Variants in ANOS1 observed in about 807,000 individuals in gnomAD.
The protein encoded by ANOS1 is anosmin 1.
Under a neutral mutation model 59.0 loss-of-function variants are expected in ANOS1, and 6 were observed. The ratio of observed to expected loss-of-function variants is 0.10; its 90% CI spans 0.06 to 0.20. The LOEUF (loss-of-function observed/expected upper bound fraction) is 0.20, where lower values mean the gene tolerates loss of function less well. ANOS1 is among the 10% of genes least tolerant of loss of function. The probability of loss-of-function intolerance (pLI) is 1.00; values close to 1 mark genes in which losing one functional copy is unlikely to be tolerated. For synonymous variants in ANOS1, 217 were observed against 223.4 expected (o/e 0.97, Z 0.25); for missense variants, 433 against 542.3 (o/e 0.80, Z 2.00).
At chrX:8,612,333 T>G (rs5978922) in intron 3 of ANOS1, among the ~76,000 whole-genome samples, 41,980 of 110,001 alleles carry the variant, frequency 0.38, 5,811 homozygotes, top group Middle Eastern at 0.44. Context: ...AATGTGGGTT[T>G]TAGCTAAAAT....
intron 2 of ANOS1, among the ~76,000 whole-genome samples, chrX:8,675,854 T>A (rs1602019507): frequency 1.2e-5 from 1 of 82,518 alleles, no homozygotes; most frequent in Non-Finnish European, 2.3e-5. Flanking sequence ...ATGCTCTCCC[T>A]CCCCCCACCC....
At chrX:8,697,438 A>G (rs946748055) in intron 2 of ANOS1, among the ~76,000 whole-genome samples, 2 of 109,322 alleles carry the variant, frequency 1.8e-5, no homozygotes, top group African/African-American at 6.8e-5. Context: ...CCATGAGGAA[A>G]TGTGATTGTT....
At chrX:8,579,519 G>A (rs939599573) in intron 6 of ANOS1, among the ~76,000 whole-genome samples, 1 of 111,999 alleles carries the variant, frequency 8.9e-6, no homozygotes, top group Non-Finnish European at 1.9e-5. Context: ...ATTTTAAACC[G>A]TAATTCAAAA....
At chrX:8,666,774 C>T (rs780731741) in intron 2 of ANOS1, among the ~76,000 whole-genome samples, 5 of 111,680 alleles carry the variant, frequency 4.5e-5, no homozygotes, top group Admixed American at 9.5e-5. Flanking sequence ...TTGACATCGG[C>T]GCTGATAAGT....
intron 2 of ANOS1, among the ~76,000 whole-genome samples, chrX:8,633,238 A>G (rs1931518384): frequency 8.9e-6 from 1 of 111,753 alleles, no homozygotes. Flanking sequence ...CCGAAGGGCA[A>G]TGACTCTCTC....
At chrX:8,659,584 G>GCCTTCCTTCCTTCCTTCCTT (rs201790891) in intron 2 of ANOS1, among the ~76,000 whole-genome samples, 2 of 57,688 alleles carry the variant, frequency 3.5e-5, no homozygotes, top group African/African-American at 2.1e-4. Flanking sequence ...TTGCTTGCTT[G>GCCTTCCTTCCTTCCTTCCTT]CCTTCCTTCC....
chrX:8,699,604 T>C (rs2146898676), intron 2 of ANOS1, 94 bp downstream of exon 2: 1 of 648,299 alleles, frequency 1.5e-6, no homozygotes, highest in African/African-American at 2.2e-5. Context: ...GCATATATGA[T>C]TTCTCTGTGC....
chrX:8,580,400 A>C (rs1482784961), intron 6 of ANOS1, among the ~76,000 whole-genome samples: 3 of 112,090 alleles, frequency 2.7e-5, no homozygotes, highest in Non-Finnish European at 5.6e-5. Flanking sequence ...TCCTATATTT[A>C]TGCATTTTTT....
intron 2 of ANOS1, among the ~76,000 whole-genome samples, chrX:8,629,172 C>G (rs374216223): frequency 6.3e-5 from 7 of 111,038 alleles, no homozygotes; most frequent in African/African-American, 2.3e-4. Context: ...TCACTTAAGC[C>G]CGGAAGTTTG....
At chrX:8,673,591 T>A (rs1932290895) in intron 2 of ANOS1, among the ~76,000 whole-genome samples, 1 of 110,283 alleles carries the variant, frequency 9.1e-6, no homozygotes. Flanking sequence ...TGGGCAGCAG[T>A]GCAGTTCTGA....
At position 8,597,275 on chromosome X, in the gene ANOS1, T is replaced by C; in HGVS notation, c.319-19A>G. On this transcript the variant is annotated intron_variant, in intron 3 of 13. Transcript: ENST00000262648. ...AGAGAGGCTAAGTCAAAGAAGAATT[T>C]TAAAAAATATTCCATTAAAGACACA... The C allele has an allele frequency of 8.7e-7, 1 of 1,153,143 alleles. No homozygotes were observed. Among genetic ancestry groups the C allele is most frequent in the Non-Finnish European group, 1.2e-6 (1 of 846,394 alleles).
At chrX:8,539,833 T>A in intron 9 of ANOS1, 75 bp from the exon 10 acceptor site, 3 of 1,182,326 alleles carry the variant, frequency 2.5e-6, no homozygotes, top group Middle Eastern at 2.7e-4. Flanking sequence ...TTCTTGAACT[T>A]GAGAGGAGAA....
intron 1 of ANOS1, among the ~76,000 whole-genome samples, chrX:8,718,757 C>T (rs1441800285): frequency 8.9e-6 from 1 of 111,930 alleles, no homozygotes; most frequent in Non-Finnish European, 1.9e-5. Context: ...CTACGTGGTT[C>T]TCTGCTCCTT....
At chrX:8,706,375 A>G (rs1932779965) in intron 1 of ANOS1, among the ~76,000 whole-genome samples, 2 of 112,666 alleles carry the variant, frequency 1.8e-5, no homozygotes, top group African/African-American at 3.2e-5. Context: ...TTACCAATCA[A>G]TGCTTTGACA....
At chrX:8,654,021 TG>T (rs1451328169) in intron 2 of ANOS1, among the ~76,000 whole-genome samples, 1 of 112,002 alleles carries the variant, frequency 8.9e-6, no homozygotes, top group Non-Finnish European at 1.9e-5. Context: ...CTAAATCCCT[TG>T]GCACTGATCC....
chrX:8,545,423 G>C (rs2146792164), intron 9 of ANOS1, among the ~76,000 whole-genome samples: 1 of 109,927 alleles, frequency 9.1e-6, no homozygotes, highest in East Asian at 2.9e-4. Flanking sequence ...CAGGCAGGCA[G>C]GCAGGCAGGC....
intron 2 of ANOS1, among the ~76,000 whole-genome samples, chrX:8,674,143 A>AT (rs917813533): frequency 1.1e-4 from 12 of 111,309 alleles, no homozygotes; most frequent in Non-Finnish European, 1.7e-4. Flanking sequence ...TAGCTGGATT[A>AT]TTTTTTTTCT....
At chrX:8,603,302 G>A (rs985039661) in intron 3 of ANOS1, among the ~76,000 whole-genome samples, 8 of 111,500 alleles carry the variant, frequency 7.2e-5, no homozygotes, top group Non-Finnish European at 1.1e-4. Context: ...TCCTTCATAT[G>A]TTAACGAATA....
At chrX:8,725,305 A>G (rs890662924) in intron 1 of ANOS1, among the ~76,000 whole-genome samples, 6 of 110,160 alleles carry the variant, frequency 5.4e-5, no homozygotes, top group African/African-American at 2.0e-4. Flanking sequence ...CACTTTCATA[A>G]GTCTCTCTAC....
Sources: gnomAD v4.1 joint callset for allele counts (sites outside exome capture counted in the v4.1 genomes callset) on GRCh38, gnomAD v4.1.1 for gene constraint, MANE v1.5 for transcripts, NCBI Gene and HGNC (gene_info 2026-07-23, HGNC 2026-07-21) for gene names.